PPIL2: variants seen among roughly 807,000 people sequenced by gnomAD.
PPIL2 encodes the protein RING-type E3 ubiquitin-protein ligase PPIL2.
In PPIL2, 50 loss-of-function variants were observed where a neutral mutation model predicts 75.2. That is an observed-to-expected ratio of 0.66 (90% CI 0.53 to 0.84). The LOEUF is 0.84. Among genes scored for constraint, PPIL2 ranks in the 40% least tolerant of loss-of-function variants. The pLI is 0.00. For missense variants in PPIL2, 590 were observed against 685.0 expected (o/e 0.86, Z 1.55); for synonymous variants, 245 against 258.8 (o/e 0.95, Z 0.51).
At chr22:21,671,081 G>C (rs2066613913) in intron 4 of PPIL2, 22 bp downstream of exon 4, 1 of 1,593,888 alleles carries the variant, frequency 6.3e-7, no homozygotes. Context: ...CTTGAATTTT[G>C]ATCTAACAAA....
chr22:21,666,216 C>G (rs918873475), intron 1 of PPIL2, 85 bp downstream of exon 1: 1 of 1,445,986 alleles, frequency 6.9e-7, no homozygotes. Flanking sequence ...CGCCTTCCCT[C>G]TCAGCTACTC....
intron 12 of PPIL2, 55 bp from the exon 13 acceptor site, chr22:21,687,588 G>A: frequency 9.9e-7 from 1 of 1,011,390 alleles, no homozygotes; most frequent in Non-Finnish European, 1.5e-6. Flanking sequence ...TGTGGCTGTG[G>A]TGAGCTGCCT....
In PPIL2 at chr22:21,682,531, G is replaced by C. The variant is rs1252434399; in HGVS notation, c.477+5G>C. 6.2e-7 allele frequency: 1 copy of C among 1,611,672 alleles called. No homozygotes were observed. Among genetic ancestry groups the C allele is most frequent in the Non-Finnish European group, 8.5e-7 (1 of 1,178,780 alleles). On this transcript the variant is annotated splice_donor_5th_base_variant and intron_variant, in intron 8 of 19. Transcript: ENST00000398831. Reference sequence around the variant, plus strand: ...CAGGACATCATCACCCTCCAGGTGAGTGTCCCCTGCCTGCCTGCCCCAGCT... The same window carrying C: ...CAGGACATCATCACCCTCCAGGTGACTGTCCCCTGCCTGCCTGCCCCAGCT...
At chr22:21,680,420 A>G (rs1601541919) in intron 6 of PPIL2, among the ~76,000 whole-genome samples, 1 of 152,102 alleles carries the variant, frequency 6.6e-6, no homozygotes, top group Non-Finnish European at 1.5e-5. Flanking sequence ...AGTCTCAGCT[A>G]CTCCGGAGGC....
intron 6 of PPIL2, among the ~76,000 whole-genome samples, chr22:21,676,307 T>TGTGTGTGTGTG (rs1555894882): frequency 5.2e-4 from 19 of 36,666 alleles, no homozygotes; most frequent in South Asian, 4.4e-3. Flanking sequence ...TATTTATTTA[T>TGTGTGTGTGTG]TTTGTGTGTG....
chr22:21,673,795 T>C (rs969293558), intron 5 of PPIL2, among the ~76,000 whole-genome samples: 1 of 152,190 alleles, frequency 6.6e-6, no homozygotes, highest in African/African-American at 2.4e-5. Context: ...TGAGGAGAGT[T>C]CCTGGGCCAA....
Position 21,697,267 on chromosome 22 carries a change from G to A in PPIL2, c.*1777G>A, listed in dbSNP as rs2067973988. ...CAGCGTCCAGGGTACAGGTGCGGGT[G>A]GTGGGGATGAAGGCCTGACCAGGGA... On this transcript the variant is annotated 3_prime_UTR_variant, in exon 20 of 20. Coordinates refer to ENST00000398831, the MANE Select transcript of PPIL2 (RefSeq NM_014337.4). 1 of 431,620 alleles carries A rather than the reference G, an allele frequency of 2.3e-6. No homozygotes were observed. Among genetic ancestry groups the A allele is most frequent in the Non-Finnish European group, 4.2e-6 (1 of 235,924 alleles). The allele number at this position is 431,620 out of a possible 1,614,324, so 26.7% of individuals were successfully genotyped here.
chr22:21,671,013 T>G lies in PPIL2; in HGVS notation c.145T>G (p.Phe49Val). The G allele has an allele frequency of 1.2e-6, 2 of 1,613,118 alleles. No individual in the cohort carries two copies. Among genetic ancestry groups the G allele is most frequent in the Non-Finnish European group, 1.7e-6 (2 of 1,179,020 alleles). The change falls in exon 4 of 20, where the codon TTT (phenylalanine) becomes GTT (valine). Residue 49 changes from phenylalanine (F) to valine (V), a missense_variant. Coordinates refer to ENST00000398831, the MANE Select transcript of PPIL2 (RefSeq NM_014337.4). ...CTTTTTCAGTCTCTCTCTGCAGCCC[T>G]TTGTCTACCCAGTCTGCACTCCCGA... ...FDHCSLSLQP[F>V]VYPVCTPDGI...
Position 21,669,714 on chromosome 22 carries a change from T to C in PPIL2, c.33-199T>C, listed in dbSNP as rs58382992. Among the ~76,000 whole-genome samples, 1,159 of 152,222 alleles carry C rather than the reference T, an allele frequency of 7.6e-3. 11 individuals are homozygous for C. Among genetic ancestry groups the C allele is most frequent in the African/African-American group, 0.026 (1,087 of 41,548 alleles). On this transcript the variant is annotated intron_variant, in intron 1 of 19. Coordinates refer to ENST00000398831, the MANE Select transcript of PPIL2 (RefSeq NM_014337.4). The stretch of plus-strand genomic sequence containing the variant: ...GTGGTTTCACCATGTTGGCCAGGCT[T>C]GTCTTAAACTTCTGACCTCTAGTGA...
intron 15 of PPIL2, among the ~76,000 whole-genome samples, chr22:21,691,808 G>A (rs2067651483): frequency 1.3e-5 from 2 of 152,208 alleles, no homozygotes; most frequent in Admixed American, 1.3e-4. Context: ...AGCAAGAGAG[G>A]GAACTGCTTG....
chr22:21,669,940 C>T lies in PPIL2; in HGVS notation c.60C>T (p.His20=), dbSNP rs1420430837. ...ACATTACCTGTGCTGAATACACTCA[C>T]TTTTATGGTGGCAAGAAGCCAGGTA... ...KMYITCAEYT[H]FYGGKKPDLP... Residue 20 remains histidine (H), a synonymous_variant, in exon 2 of 20, where the codon CAC becomes CAT. Transcript: ENST00000398831. 5 of 1,614,092 alleles carry T rather than the reference C, an allele frequency of 3.1e-6. No homozygotes were observed. Among genetic ancestry groups the T allele is most frequent in the Middle Eastern group, 1.6e-4 (1 of 6,062 alleles).
chr22:21,688,247 T>G (rs1017986508), intron 14 of PPIL2, 141 bp downstream of exon 14: 6 of 1,128,020 alleles, frequency 5.3e-6, no homozygotes, highest in Non-Finnish European at 7.8e-6. Flanking sequence ...ATCAGTGCTG[T>G]GCCCCCTCAG....
At chr22:21,690,413 G>A (rs2148563463) in intron 15 of PPIL2, among the ~76,000 whole-genome samples, 1 of 151,964 alleles carries the variant, frequency 6.6e-6, no homozygotes, top group South Asian at 2.1e-4. Context: ...CGAGTCAGCT[G>A]TGCTTAACAG....
In PPIL2 at chr22:21,682,541, C is replaced by T. The variant is rs772943988; in HGVS notation, c.477+15C>T. On this transcript the variant is annotated intron_variant, in intron 8 of 19. Transcript: ENST00000398831. ...TCACCCTCCAGGTGAGTGTCCCCTGCCTGCCTGCCCCAGCTGCCTTCAGCA... is the reference window on the plus strand; with the variant it reads ...TCACCCTCCAGGTGAGTGTCCCCTGTCTGCCTGCCCCAGCTGCCTTCAGCA... The T allele has an allele frequency of 1.2e-6, 2 of 1,605,646 alleles. No homozygotes were observed. Among genetic ancestry groups the T allele is most frequent in the Non-Finnish European group, 1.7e-6 (2 of 1,173,964 alleles).
Position 21,686,890 on chromosome 22 carries a change from A to T in PPIL2, c.791-2A>T. 6.2e-7 allele frequency: 1 copy of T among 1,613,830 alleles called. No homozygotes were observed. The highest frequency in any genetic ancestry group is 8.5e-7 in the Non-Finnish European group (1 of 1,179,938). ...GGGCTGAGCTGGGACCTTGGCTTGTAGCTGCCATCGACGAGGATGTGCTGC... is the reference window on the plus strand; with the variant it reads ...GGGCTGAGCTGGGACCTTGGCTTGTTGCTGCCATCGACGAGGATGTGCTGC... On this transcript the variant is annotated splice_acceptor_variant, in intron 11 of 19. Coordinates refer to ENST00000398831, the MANE Select transcript of PPIL2 (RefSeq NM_014337.4). LOFTEE classifies it high-confidence loss of function.
chr22:21,668,422 C>T (rs753433018), intron 1 of PPIL2, among the ~76,000 whole-genome samples: 169 of 151,324 alleles, frequency 1.1e-3, no homozygotes, highest in Non-Finnish European at 1.9e-3. Context: ...GTCAGGAGAT[C>T]GAGACCATCC....
chr22:21,681,978 G>A (rs2067147580), intron 7 of PPIL2, among the ~76,000 whole-genome samples: 1 of 152,250 alleles, frequency 6.6e-6, no homozygotes, highest in African/African-American at 2.4e-5. Flanking sequence ...GGCCTTGGGA[G>A]CCACTTCTTG....
At chr22:21,690,026 C>G (rs2067552251) in intron 15 of PPIL2, among the ~76,000 whole-genome samples, 1 of 152,150 alleles carries the variant, frequency 6.6e-6, no homozygotes, top group East Asian at 1.9e-4. Flanking sequence ...TTTGCTGTGA[C>G]AGGTGTGGCC....
At chr22:21,666,161 T>G in intron 1 of PPIL2, 30 bp downstream of exon 1, 1 of 1,599,950 alleles carries the variant, frequency 6.3e-7, no homozygotes. Flanking sequence ...GGAGCGGCGC[T>G]CCACTCTGCC....
Sources: allele counts gnomAD v4.1 joint callset (sites outside exome capture counted in the v4.1 genomes callset), GRCh38; gene constraint gnomAD v4.1.1; transcripts MANE v1.5; gene names NCBI Gene and HGNC (gene_info 2026-07-23, HGNC 2026-07-21).